The following MTUS2 variants were observed in gnomAD, a reference collection of about 807,000 sequenced individuals.
The protein encoded by MTUS2 is microtubule associated scaffold protein 2.
In MTUS2, 40 loss-of-function variants were observed where a neutral mutation model predicts 114.1. That is an observed-to-expected ratio of 0.35 (90% CI 0.27 to 0.46). The LOEUF (loss-of-function observed/expected upper bound fraction) is 0.46. Ranked by LOEUF, MTUS2 falls within the 20% of genes least tolerant of loss-of-function variation. The pLI, the probability that MTUS2 is intolerant of heterozygous loss-of-function variation, is 1.00. For synonymous variants in MTUS2, 688 were observed against 672.0 expected, an observed-to-expected ratio of 1.02 and a Z score of -0.37; for missense variants, 1,679 against 1,705.4, an observed-to-expected ratio of 0.98 and a Z score of 0.27.
chr13:29,182,255 A>C (rs1894037959), intron 5 of MTUS2, among the ~76,000 whole-genome samples: 2 of 152,234 alleles, frequency 1.3e-5, no homozygotes, highest in South Asian at 4.1e-4. Flanking sequence ...GTTGACACTA[A>C]CTTCAAAGTT....
chr13:29,425,357 G>C (rs769293006), intron 8 of MTUS2, among the ~76,000 whole-genome samples: 10 of 152,132 alleles, frequency 6.6e-5, no homozygotes, highest in Non-Finnish European at 1.3e-4. Flanking sequence ...ATTAAGCTGA[G>C]ATGGCACCAC....
Position 29,025,433 on chromosome 13 carries a change from A to G in MTUS2, c.735A>G (p.Lys245=). The G allele has an allele frequency of 2.5e-6, 4 of 1,613,328 alleles. No homozygotes were observed. The highest frequency in any genetic ancestry group is 3.4e-6 in the Non-Finnish European group (4 of 1,179,680). ...AGGGAAAGAGTGTGCGTCATCCTAA[A>G]CCATCTACCTCAGAAAGCAAGCAGA... ...TSEGKSVRHP[K]PSTSESKQST... Residue 245 remains lysine (K), a synonymous_variant, in exon 3 of 16, where the codon AAA becomes AAG. Transcript: ENST00000612955.
At chr13:29,368,592 A>G (rs1375826695) in intron 8 of MTUS2, among the ~76,000 whole-genome samples, 2 of 152,192 alleles carry the variant, frequency 1.3e-5, no homozygotes, top group Non-Finnish European at 2.9e-5. Context: ...TCAAAATATC[A>G]GATACACCCC....
At chr13:29,467,115 G>A (rs1320104608) in intron 9 of MTUS2, among the ~76,000 whole-genome samples, 1 of 152,120 alleles carries the variant, frequency 6.6e-6, no homozygotes, top group Non-Finnish European at 1.5e-5. Context: ...TGTGGAAAGA[G>A]GCCCTCCAAG....
At chr13:29,003,213 C>G (rs796861919) in intron 2 of MTUS2, among the ~76,000 whole-genome samples, 1 of 151,936 alleles carries the variant, frequency 6.6e-6, no homozygotes, top group Non-Finnish European at 1.5e-5. Context: ...ACTTCTAAGC[C>G]TTTTGCATAA....
chr13:29,230,430 G>A (rs9314943), intron 5 of MTUS2, among the ~76,000 whole-genome samples: 125,565 of 152,198 alleles, frequency 0.83, 51,834 homozygotes, highest in East Asian at 0.89. Flanking sequence ...GTCAGCAAAG[G>A]ACCCAAGGAG....
Position 28,899,611 on chromosome 13 carries a change from C to T in MTUS2, c.-243+59761C>T, listed in dbSNP as rs529006266. On this transcript the variant is annotated intron_variant, in intron 2 of 15. Coordinates refer to ENST00000612955, the MANE Select transcript of MTUS2 (RefSeq NM_001033602.4). The stretch of plus-strand genomic sequence containing the variant: ...ATTTTTAGTAGAGACGGGGTTTCAC[C>T]CTGTTAGCCAGGATGGTCCCGATCT... Among the ~76,000 whole-genome samples, 4 of 152,156 alleles carry T rather than the reference C, an allele frequency of 2.6e-5. No homozygotes were observed. In the East Asian group the frequency reaches 7.8e-4, roughly 30 times the overall value.
rs1312357629 is a variant in MTUS2 at position 29,325,583 on chromosome 13, G to GA, written c.2905+873dup. Among the ~76,000 whole-genome samples the GA allele has an allele frequency of 6.0e-4, 13 of 21,494 alleles. No homozygotes were observed. The East Asian group carries it at 0.018, about 30-fold the overall frequency. The allele number at this position is 21,494 out of a possible 152,430, so 14.1% of individuals were successfully genotyped here. On this transcript the variant is annotated intron_variant, in intron 7 of 15. Coordinates refer to ENST00000612955, the MANE Select transcript of MTUS2 (RefSeq NM_001033602.4). ...GGAAGAAGAAGAAGAGGAGGAGGAA[G>GA]AGGAAGAAGAAGAAGAAGAAATCCT...
chr13:28,994,064 A>G (rs1884977875), intron 2 of MTUS2, among the ~76,000 whole-genome samples: 1 of 151,894 alleles, frequency 6.6e-6, no homozygotes, highest in Admixed American at 6.6e-5. Flanking sequence ...CCTGCCACCC[A>G]CAACAGTCGC....
intron 5 of MTUS2, among the ~76,000 whole-genome samples, chr13:29,215,677 C>A (rs1033780851): frequency 1.3e-5 from 2 of 152,116 alleles, no homozygotes; most frequent in African/African-American, 2.4e-5. Flanking sequence ...CTACTCCAGA[C>A]CCTCTTTTTG....
chr13:28,945,399 A>C (rs1275500298), intron 2 of MTUS2, among the ~76,000 whole-genome samples: 1 of 152,138 alleles, frequency 6.6e-6, no homozygotes, highest in Admixed American at 6.5e-5. Flanking sequence ...TCTTTGAGAA[A>C]TCTCCATACT....
intron 5 of MTUS2, among the ~76,000 whole-genome samples, chr13:29,261,342 C>T (rs547405546): frequency 1.2e-4 from 19 of 152,272 alleles, no homozygotes; most frequent in Admixed American, 2.0e-4. Context: ...CTCGCAGTCC[C>T]TGAAGTGTTC....
chr13:29,005,857 T>C (rs1885578825), intron 2 of MTUS2, among the ~76,000 whole-genome samples: 2 of 152,234 alleles, frequency 1.3e-5, no homozygotes, highest in South Asian at 4.1e-4. Context: ...TCTCTAGGAA[T>C]ATGCTCCATG....
At chr13:29,462,949 C>A (rs906102987) in intron 9 of MTUS2, among the ~76,000 whole-genome samples, 5 of 152,068 alleles carry the variant, frequency 3.3e-5, no homozygotes, top group African/African-American at 1.2e-4. Flanking sequence ...GGTTAATGGA[C>A]TTTGCAGGTA....
chr13:29,075,079 CA>C (rs1385495156), intron 4 of MTUS2, among the ~76,000 whole-genome samples: 1 of 152,204 alleles, frequency 6.6e-6, no homozygotes, highest in African/African-American at 2.4e-5. Flanking sequence ...CTATTCTAGA[CA>C]TCTTATATGA....
intron 6 of MTUS2, chr13:29,306,780 G>T: frequency 5.9e-6 from 2 of 338,672 alleles, no homozygotes; most frequent in East Asian, 1.3e-4. Flanking sequence ...GAGACATCAT[G>T]GTGAAGGTGA....
chr13:28,829,526 C>T (rs1054885544), intron 1 of MTUS2, among the ~76,000 whole-genome samples: 7 of 117,756 alleles, frequency 5.9e-5, no homozygotes, highest in East Asian at 1.9e-4. Flanking sequence ...AGTAGGACTC[C>T]GTCTAAAAAA....
intron 7 of MTUS2, among the ~76,000 whole-genome samples, chr13:29,345,001 T>G (rs1175113891): frequency 6.6e-6 from 1 of 152,198 alleles, no homozygotes; most frequent in East Asian, 1.9e-4. Flanking sequence ...CCCTTCTGGC[T>G]TGTAGGGTTT....
At chr13:29,466,543 G>A (rs967322307) in intron 9 of MTUS2, among the ~76,000 whole-genome samples, 1 of 152,120 alleles carries the variant, frequency 6.6e-6, no homozygotes, top group Non-Finnish European at 1.5e-5. Flanking sequence ...ATCCATTCCT[G>A]TGCAAAATTA....
Sources: allele counts gnomAD v4.1 joint callset (sites outside exome capture counted in the v4.1 genomes callset), GRCh38; gene constraint gnomAD v4.1.1; transcripts MANE v1.5; gene names NCBI Gene and HGNC (gene_info 2026-07-23, HGNC 2026-07-21).